CSMD1: variants seen among roughly 807,000 people sequenced by gnomAD.
The protein encoded by CSMD1 is CUB and sushi domain-containing protein 1.
In CSMD1, 213 loss-of-function variants were observed where a neutral mutation model predicts 417.5. The observed-to-expected ratio is 0.51, with a 90% CI of 0.46 to 0.57. CSMD1 has a LOEUF of 0.57. Among genes scored for constraint, CSMD1 ranks in the 20% least tolerant of loss-of-function variants. The pLI, the probability that CSMD1 is intolerant of heterozygous loss-of-function variation, is 0.00. For missense variants in CSMD1, 6,923 were observed against 4,529.7 expected (o/e 1.53, Z -15.17); for synonymous variants, 2,862 against 1,736.8 (o/e 1.65, Z -16.11).
At chr8:4,252,511 G>A (rs969758397) in intron 3 of CSMD1, among the ~76,000 whole-genome samples, 2 of 152,188 alleles carry the variant, frequency 1.3e-5, no homozygotes, top group Admixed American at 6.5e-5. Flanking sequence ...GGCATGTCCT[G>A]TTTCCTCAAA....
At position 3,096,672 on chromosome 8, in the gene CSMD1, C is replaced by G. The variant is rs143538855; in HGVS notation, c.7138+177G>C. Among the ~76,000 whole-genome samples, 133 of 152,314 alleles carry G rather than the reference C, an allele frequency of 8.7e-4. 1 individual carries two copies. Among genetic ancestry groups the G allele is most frequent in the African/African-American group, 2.9e-3 (120 of 41,560 alleles). ...ACAACAATCATATGGTAATGTTTTA[C>G]AGACTGCTTGATCTCTTGAGAATGC... On this transcript the variant is annotated intron_variant, in intron 47 of 69. Coordinates refer to ENST00000635120, the MANE Select transcript of CSMD1 (RefSeq NM_033225.6).
At chr8:3,431,600 T>G (rs1814221540) in intron 12 of CSMD1, among the ~76,000 whole-genome samples, 1 of 152,218 alleles carries the variant, frequency 6.6e-6, no homozygotes, top group Non-Finnish European at 1.5e-5. Context: ...CTATCTCTAC[T>G]TGATTTACCT....
intron 7 of CSMD1, among the ~76,000 whole-genome samples, chr8:3,672,773 G>A (rs1334159094): frequency 6.6e-6 from 1 of 152,136 alleles, no homozygotes; most frequent in African/African-American, 2.4e-5. Flanking sequence ...CTGCATATCA[G>A]GCTCTTCTCC....
At chr8:3,735,336 A>G (rs543170372) in intron 6 of CSMD1, among the ~76,000 whole-genome samples, 3 of 152,282 alleles carry the variant, frequency 2.0e-5, no homozygotes, top group African/African-American at 4.8e-5. Context: ...ACACACACAC[A>G]CAACCAGATT....
At chr8:3,409,628 A>T (rs1812558368) in intron 12 of CSMD1, 23 bp from the exon 13 acceptor site, 1 of 1,529,718 alleles carries the variant, frequency 6.5e-7, no homozygotes, top group Non-Finnish European at 8.9e-7. Context: ...AAACAAATGA[A>T]CCCTTAAAAA....
At chr8:4,934,557 G>C (rs2117206242) in intron 1 of CSMD1, among the ~76,000 whole-genome samples, 1 of 152,282 alleles carries the variant, frequency 6.6e-6, no homozygotes, top group East Asian at 1.9e-4. Context: ...ACGAGATGGA[G>C]ACTGCAACAT....
chr8:4,903,382 C>T (rs1475042153), intron 1 of CSMD1, among the ~76,000 whole-genome samples: 1 of 152,142 alleles, frequency 6.6e-6, no homozygotes, highest in Non-Finnish European at 1.5e-5. Flanking sequence ...ATTCAGGAAG[C>T]TTCATGTCTT....
chr8:3,315,963 G>C (rs889105847), intron 23 of CSMD1, among the ~76,000 whole-genome samples: 1 of 152,102 alleles, frequency 6.6e-6, no homozygotes, highest in South Asian at 2.1e-4. Flanking sequence ...AGGTCAAATA[G>C]TTAATATCAA....
intron 10 of CSMD1, among the ~76,000 whole-genome samples, chr8:3,521,321 T>A (rs1439733878): frequency 6.6e-6 from 1 of 152,156 alleles, no homozygotes; most frequent in South Asian, 2.1e-4. Flanking sequence ...CAAATTCACA[T>A]GTCTTTTCAC....
chr8:3,359,422 T>C, intron 20 of CSMD1, 82 bp from the exon 21 acceptor site: 1 of 891,498 alleles, frequency 1.1e-6, no homozygotes, highest in Non-Finnish European at 1.6e-6. Flanking sequence ...AAAAGTGCTA[T>C]TACTAAAAAA....
chr8:4,805,973 G>T (rs970758844), intron 1 of CSMD1, among the ~76,000 whole-genome samples: 5 of 152,094 alleles, frequency 3.3e-5, no homozygotes, highest in Admixed American at 3.3e-4. Context: ...ATTACCAAGG[G>T]CTTTTCTTTC....
intron 2 of CSMD1, among the ~76,000 whole-genome samples, chr8:4,586,530 A>G (rs1799708385): frequency 6.6e-6 from 1 of 152,202 alleles, no homozygotes; most frequent in African/African-American, 2.4e-5. Context: ...GCAATTTTCC[A>G]GGAAAAATCA....
chr8:3,184,963 G>T (rs1031641236), intron 36 of CSMD1, among the ~76,000 whole-genome samples: 3 of 152,294 alleles, frequency 2.0e-5, no homozygotes, highest in African/African-American at 7.2e-5. Context: ...TCAAGGTCCT[G>T]TCACATCCCT....
At chr8:4,773,478 G>A (rs543688323) in intron 1 of CSMD1, among the ~76,000 whole-genome samples, 1 of 152,242 alleles carries the variant, frequency 6.6e-6, no homozygotes, top group African/African-American at 2.4e-5. Context: ...GAGATTCTTT[G>A]TGTTCATGGA....
At chr8:3,512,509 G>T (rs898698215) in intron 10 of CSMD1, among the ~76,000 whole-genome samples, 5 of 151,960 alleles carry the variant, frequency 3.3e-5, no homozygotes, top group Non-Finnish European at 4.4e-5. Context: ...CCACATGAAC[G>T]GCTGGGCTGG....
chr8:3,712,982 G>A (rs894792019), intron 6 of CSMD1, among the ~76,000 whole-genome samples: 1 of 152,080 alleles, frequency 6.6e-6, no homozygotes, highest in African/African-American at 2.4e-5. Flanking sequence ...AAGGTGCTGA[G>A]AGTTGACTTT....
intron 3 of CSMD1, among the ~76,000 whole-genome samples, chr8:4,132,773 TAAA>T (rs1803189263): frequency 6.6e-6 from 1 of 152,176 alleles, no homozygotes; most frequent in Non-Finnish European, 1.5e-5. Context: ...ACAATCCGTT[TAAA>T]AAGACACAAA....
chr8:3,524,613 A>C (rs1423421615), intron 10 of CSMD1, among the ~76,000 whole-genome samples: 2 of 151,518 alleles, frequency 1.3e-5, no homozygotes, highest in South Asian at 2.1e-4. Context: ...ACACACATGC[A>C]CATACACACA....
intron 12 of CSMD1, among the ~76,000 whole-genome samples, chr8:3,435,291 T>C (rs895899062): frequency 6.6e-6 from 1 of 151,320 alleles, no homozygotes; most frequent in Non-Finnish European, 1.5e-5. Flanking sequence ...TCACTGCACA[T>C]ATTTCACTGG....
Sources: gnomAD v4.1 joint callset for allele counts (sites outside exome capture counted in the v4.1 genomes callset) on GRCh38, gnomAD v4.1.1 for gene constraint, MANE v1.5 for transcripts, NCBI Gene and HGNC (gene_info 2026-07-23, HGNC 2026-07-21) for gene names.